TCF20: variants seen among roughly 807,000 people sequenced by gnomAD.
TCF20 encodes the protein transcription factor 20, also known as SPRE-binding protein.
Under a neutral mutation model 148.6 loss-of-function variants are expected in TCF20, and 3 were observed. The observed-to-expected ratio is 0.02, with a 90% CI of 0.01 to 0.05. The LOEUF (loss-of-function observed/expected upper bound fraction) is 0.05. Among genes scored for constraint, TCF20 ranks in the 10% least tolerant of loss-of-function variants. The pLI, the probability that TCF20 is intolerant of heterozygous loss-of-function variation, is 1.00. For missense variants in TCF20, 2,350 were observed against 2,429.3 expected, an observed-to-expected ratio of 0.97 and a Z score of 0.69; for synonymous variants, 1,049 against 909.5, an observed-to-expected ratio of 1.15 and a Z score of -2.76.
chr22:42,283,928 G>A (rs1392541213), exon 1 of TCF20, among the ~76,000 whole-genome samples: 1 of 152,232 alleles, frequency 6.6e-6, no homozygotes, highest in Non-Finnish European at 1.5e-5. Context: ...GGGGAGGAGG[G>A]GAAAGGGAAA....
intron 1 of TCF20, among the ~76,000 whole-genome samples, chr22:42,325,047 G>A (rs1927849770): frequency 6.6e-6 from 1 of 152,260 alleles, no homozygotes; most frequent in African/African-American, 2.4e-5. Context: ...CACCCTGCTG[G>A]GACTCAGGAA....
chr22:42,277,405 T>C (rs1926803761), intron 1 of TCF20, among the ~76,000 whole-genome samples: 4 of 152,218 alleles, frequency 2.6e-5, no homozygotes, highest in Admixed American at 2.6e-4. Context: ...AGTAAGAAAG[T>C]GTGGCAGGAG....
At chr22:42,283,665 G>A (rs1210343411) in intron 1 of TCF20, among the ~76,000 whole-genome samples, 1 of 151,980 alleles carries the variant, frequency 6.6e-6, no homozygotes, top group African/African-American at 2.4e-5. Flanking sequence ...AGGCCGCCCG[G>A]GAGGCCCCTG....
intron 2 of TCF20, among the ~76,000 whole-genome samples, chr22:42,184,601 A>C (rs1936956182): frequency 2.0e-5 from 3 of 152,064 alleles, no homozygotes; most frequent in Non-Finnish European, 2.9e-5. Flanking sequence ...TTTGTTTTTG[A>C]CCACAGTGTT....
At chr22:42,192,288 A>G (rs1441737581) in intron 2 of TCF20, among the ~76,000 whole-genome samples, 1 of 152,224 alleles carries the variant, frequency 6.6e-6, no homozygotes, top group Non-Finnish European at 1.5e-5. Context: ...CAAGATTTCA[A>G]ATCTGTGAAG....
chr22:42,175,070 G>C (rs1012390038), intron 3 of TCF20, among the ~76,000 whole-genome samples: 3 of 151,340 alleles, frequency 2.0e-5, no homozygotes, highest in African/African-American at 7.3e-5. Flanking sequence ...TTTTCAACTA[G>C]AAACAAAACT....
chr22:42,214,968 C>T lies in TCF20; in HGVS notation c.338G>A (p.Gly113Glu). The T allele has an allele frequency of 6.2e-7, 1 of 1,614,186 alleles. No homozygotes were observed. The highest frequency in any genetic ancestry group is 2.2e-5 in the East Asian group (1 of 44,888). ...TPQPPQRRPS[G>E]PVQSYGPPQG... ...GGGGGGTCCATAGCTCTGCACAGGC[C>T]CAGAAGGCCTTCGCTGAGGAGGCTG... is the stretch of plus-strand genomic sequence containing the variant. The change falls in exon 2 of 6, where the codon GGG becomes GAG. Residue 113 changes from glycine (G) to glutamate (E), a missense_variant. Physicochemically the swap from Gly to Glu is moderately conservative, Grantham distance 98 (BLOSUM62 -2). Around this residue, in one of 7 missense-constraint regions of TCF20, gnomAD observed 1,641 missense variants for 1,662.6 expected, o/e 0.99. Coordinates refer to ENST00000677622, the MANE Select transcript of TCF20 (RefSeq NM_001378418.1).
upstream of TCF20, among the ~76,000 whole-genome samples, chr22:42,285,693 G>T (rs907267502): frequency 6.6e-6 from 1 of 151,614 alleles, no homozygotes; most frequent in Non-Finnish European, 1.5e-5. The surrounding 1 kb of genome is among the most constrained non-coding windows in gnomAD (Gnocchi z 4.2). Context: ...AGCTGGTCTC[G>T]AACTCATGGG....
intron 3 of TCF20, among the ~76,000 whole-genome samples, chr22:42,179,034 A>G (rs1936612538): frequency 6.7e-6 from 1 of 148,168 alleles, no homozygotes; most frequent in Non-Finnish European, 1.5e-5. Flanking sequence ...GGCTGGCTAC[A>G]ATTAAAAAAA....
chr22:42,219,383 C>CAAAAAAAAAAAAAAAAAAAAAAAA, intron 1 of TCF20, among the ~76,000 whole-genome samples: 1 of 62,050 alleles, frequency 1.6e-5, no homozygotes, highest in African/African-American at 7.3e-5. Context: ...AAAAAAAAAG[C>CAAAAAAAAAAAAAAAAAAAAAAAA]TAATAGAGAT....
upstream of TCF20, among the ~76,000 whole-genome samples, chr22:42,288,686 C>A (rs1441154761): frequency 7.9e-6 from 1 of 127,318 alleles, no homozygotes; most frequent in African/African-American, 3.2e-5. Context: ...CCAGTCTGGG[C>A]AACAGGCTGT....
At position 42,268,700 on chromosome 22, in the gene TCF20, C is replaced by T. The variant is rs1202496554; in HGVS notation, c.-37+1639G>A. Among the ~76,000 whole-genome samples the T allele has an allele frequency of 3.9e-5, 6 of 152,194 alleles. 1 individual carries two copies. The highest frequency in any genetic ancestry group is 8.8e-5 in the Non-Finnish European group (6 of 68,042). On this transcript the variant is annotated intron_variant, in intron 1 of 5. Coordinates refer to ENST00000677622, the MANE Select transcript of TCF20 (RefSeq NM_001378418.1). Reference sequence around the variant, plus strand: ...CACATTTTCCAAGTAGACAAATATTCTCTGAAACATTTTCTGATAACTTCT... The same window carrying T: ...CACATTTTCCAAGTAGACAAATATTTTCTGAAACATTTTCTGATAACTTCT...
chr22:42,220,595 AG>A (rs1171712812), intron 1 of TCF20, among the ~76,000 whole-genome samples: 2 of 152,108 alleles, frequency 1.3e-5, no homozygotes, highest in Non-Finnish European at 2.9e-5. Context: ...AGCCTGTGTA[AG>A]GGATATTCCC....
At chr22:42,312,690 G>T (rs1001835015) in intron 1 of TCF20, among the ~76,000 whole-genome samples, 1 of 152,064 alleles carries the variant, frequency 6.6e-6, no homozygotes, top group Admixed American at 6.5e-5. Flanking sequence ...GTCAGGTCCC[G>T]GTCACCCCCC....
chr22:42,230,660 A>C (rs1164540824), intron 1 of TCF20, among the ~76,000 whole-genome samples: 1 of 151,508 alleles, frequency 6.6e-6, no homozygotes, highest in Non-Finnish European at 1.5e-5. Context: ...AAACCAAAGC[A>C]AACAAACAAA....
chr22:42,251,873 T>A (rs1465124893), intron 1 of TCF20, among the ~76,000 whole-genome samples: 1 of 152,096 alleles, frequency 6.6e-6, no homozygotes, highest in Non-Finnish European at 1.5e-5. Flanking sequence ...ATTTCGATAT[T>A]TTGGGATTTC....
At chr22:42,255,255 G>C (rs1017685525) in intron 1 of TCF20, among the ~76,000 whole-genome samples, 2 of 152,102 alleles carry the variant, frequency 1.3e-5, no homozygotes, top group African/African-American at 4.8e-5. Context: ...GGGAGGCCAA[G>C]GCGGGCGGAT....
intron 1 of TCF20, among the ~76,000 whole-genome samples, chr22:42,246,775 G>A (rs1456589625): frequency 1.3e-5 from 2 of 151,970 alleles, no homozygotes; most frequent in Non-Finnish European, 2.9e-5. Context: ...AGACCAGCCT[G>A]GCCAACATGG....
chr22:42,202,779 T>C (rs1158527618), intron 2 of TCF20, among the ~76,000 whole-genome samples: 3 of 152,224 alleles, frequency 2.0e-5, no homozygotes, highest in African/African-American at 7.2e-5. Flanking sequence ...GTGCAGGACC[T>C]GTGTGCGGCA....
Sources: allele counts gnomAD v4.1 joint callset (sites outside exome capture counted in the v4.1 genomes callset), GRCh38; gene constraint gnomAD v4.1.1; regional missense constraint gnomAD v4.1.1; non-coding constraint Gnocchi (gnomAD v3.1); transcripts MANE v1.5; gene names NCBI Gene and HGNC (gene_info 2026-07-23, HGNC 2026-07-21).